Variants in ADGRE3 observed in about 807,000 individuals in gnomAD.
ADGRE3 encodes the protein adhesion G protein-coupled receptor E3, also known as EGF-like module receptor 3.
A neutral mutation model predicts 80.1 loss-of-function variants in ADGRE3; 88 were observed. The observed-to-expected ratio is 1.10, with a 90% CI of 0.93 to 1.31. The LOEUF is 1.31. ADGRE3 is among the 40% of genes most tolerant of loss of function. The probability of loss-of-function intolerance (pLI) is 0.00; values close to 1 mark genes in which losing one functional copy is unlikely to be tolerated. For missense variants in ADGRE3, 715 were observed against 776.5 expected, an observed-to-expected ratio of 0.92 and a Z score of 0.94; for synonymous variants, 281 against 294.8, an observed-to-expected ratio of 0.95 and a Z score of 0.48.
Position 14,633,224 on chromosome 19 carries a change from G to A in ADGRE3, c.1551+12C>T. On this transcript the variant is annotated intron_variant, in intron 12 of 15. Coordinates refer to ENST00000253673, the MANE Select transcript of ADGRE3 (RefSeq NM_032571.5). ...TCTTCCTAGTTTGGGAACATCGAAGGCACATACTCACAGAGAAAATGGCAC... is the reference window on the plus strand; with the variant it reads ...TCTTCCTAGTTTGGGAACATCGAAGACACATACTCACAGAGAAAATGGCAC... The A allele has an allele frequency of 6.2e-7, 1 of 1,608,564 alleles. No individual in the cohort carries two copies. Among genetic ancestry groups the A allele is most frequent in the Non-Finnish European group, 8.5e-7 (1 of 1,175,638 alleles).
the ADGRE3 span, among the ~76,000 whole-genome samples, chr19:14,605,601 C>T: frequency 0.16 from 24,417 of 152,022 alleles, 2,264 homozygotes; most frequent in African/African-American, 0.26. Context: ...CTAGTTAATC[C>T]CTCCCTGCCC....
chr19:14,624,972 TTTTGTTTG>T (rs909979573), intron 15 of ADGRE3, among the ~76,000 whole-genome samples: 2 of 151,412 alleles, frequency 1.3e-5, no homozygotes, highest in African/African-American at 4.9e-5. Flanking sequence ...TGTGTGCTGT[TTTTGTTTG>T]TTTGTTTGTT....
chr19:14,610,225 T>C, the ADGRE3 span: 8 of 1,547,534 alleles, frequency 5.2e-6, no homozygotes, highest in Admixed American at 1.6e-4. Flanking sequence ...GGGGTCCATA[T>C]CTGAGTGTCT....
chr19:14,658,056 C>A (rs975985140), intron 5 of ADGRE3, among the ~76,000 whole-genome samples: 36 of 152,030 alleles, frequency 2.4e-4, no homozygotes, highest in Non-Finnish European at 1.5e-4. Flanking sequence ...TGAGCCACCA[C>A]GCCAAGCCCG....
intron 7 of ADGRE3, 151 bp from the exon 8 acceptor site, chr19:14,647,516 A>G (rs1261092867): frequency 1.7e-6 from 1 of 589,496 alleles, no homozygotes; most frequent in African/African-American, 1.9e-5. Context: ...TCCCGGGTTC[A>G]AGTGATTCTC....
rs1568481487 is a variant in ADGRE3, at chr19:14,636,159, CTCCT to C, written c.1484+1942_1484+1945del. Reference sequence around the variant, plus strand: ...CTTTCTTTCTTTCTTTCTTCCTTTCCTCCTTTCCTTTCCTTTCCTTCCTCTTTCT... The same window carrying C: ...CTTTCTTTCTTTCTTTCTTCCTTTCCTTCCTTTCCTTTCCTTCCTCTTTCT... On this transcript the variant is annotated intron_variant, in intron 11 of 15. Coordinates refer to ENST00000253673, the MANE Select transcript of ADGRE3 (RefSeq NM_032571.5). 6.5e-4 allele frequency among the ~76,000 whole-genome samples: 17 copies of C among 26,082 alleles called. 1 individual carries two copies. Among genetic ancestry groups the C allele is most frequent in the East Asian group, 1.3e-3 (1 of 752 alleles). The allele number at this position is 26,082 out of a possible 152,430, so 17.1% of individuals were successfully genotyped here. A position where few individuals can be genotyped will look rare whatever the true frequency, so the allele number is the denominator to read the frequency against.
chr19:14,623,624 A>C (rs2146797434), intron 15 of ADGRE3, among the ~76,000 whole-genome samples: 1 of 152,292 alleles, frequency 6.6e-6, no homozygotes, highest in South Asian at 2.1e-4. Flanking sequence ...TATGCAGAGC[A>C]GCTGGGGCAG....
intron 1 of ADGRE3, among the ~76,000 whole-genome samples, chr19:14,671,843 G>A (rs2146916683): frequency 6.6e-6 from 1 of 152,050 alleles, no homozygotes; most frequent in East Asian, 1.9e-4. Flanking sequence ...TTGGAGTGCA[G>A]TGGTGCAATC....
chr19:14,652,363 G>A (rs1442500228), intron 6 of ADGRE3, among the ~76,000 whole-genome samples: 1 of 152,050 alleles, frequency 6.6e-6, no homozygotes, highest in Non-Finnish European at 1.5e-5. Flanking sequence ...GACTGGCTGT[G>A]AGATGGAAAT....
At chr19:14,623,300 A>T (rs1301735022) in intron 15 of ADGRE3, among the ~76,000 whole-genome samples, 4,713 of 14,448 alleles carry the variant, frequency 0.33, 1,535 homozygotes, top group African/African-American at 0.57. Flanking sequence ...AAAAAAAAAT[A>T]AAAAAAAAAA....
chr19:14,604,695 G>A, the ADGRE3 span, among the ~76,000 whole-genome samples: 1 of 151,872 alleles, frequency 6.6e-6, no homozygotes, highest in East Asian at 1.9e-4. Flanking sequence ...CCTGCGAGGC[G>A]GAGGGTGCAG....
At chr19:14,639,006 A>T (rs1233970794) in intron 10 of ADGRE3, among the ~76,000 whole-genome samples, 1 of 151,988 alleles carries the variant, frequency 6.6e-6, no homozygotes. Flanking sequence ...GGCTCAAGTG[A>T]TCCTCCCACC....
chr19:14,669,624 G>C (rs949490162), intron 1 of ADGRE3, among the ~76,000 whole-genome samples: 1 of 151,998 alleles, frequency 6.6e-6, no homozygotes, highest in Admixed American at 6.6e-5. Context: ...GAGTAGCTTG[G>C]ATTACAGGCA....
intron 2 of ADGRE3, among the ~76,000 whole-genome samples, chr19:14,666,585 C>G (rs1286131922): frequency 1.3e-5 from 2 of 152,092 alleles, no homozygotes; most frequent in Admixed American, 1.3e-4. Flanking sequence ...CCATGTTGGC[C>G]AAGCTGGTCT....
chr19:14,653,635 C>A (rs1230408000), intron 6 of ADGRE3, among the ~76,000 whole-genome samples: 1 of 150,178 alleles, frequency 6.7e-6, no homozygotes, highest in Admixed American at 6.6e-5. Context: ...TGCAGTGGTG[C>A]AATCTCAGCT....
At chr19:14,606,849 C>T in the ADGRE3 span, 1 of 358,930 alleles carries the variant, frequency 2.8e-6, no homozygotes, top group Non-Finnish European at 5.0e-6. Context: ...GACATTGATC[C>T]TGTTCTGCAT....
In ADGRE3 at chr19:14,661,961, A is replaced by C. The variant is rs567367351; in HGVS notation, c.355+2T>G. 65 of 1,613,910 alleles carry C rather than the reference A, an allele frequency of 4.0e-5. No individual in the cohort carries two copies. In the South Asian group the frequency reaches 6.6e-4, roughly 16 times the overall value. On this transcript the variant is annotated splice_donor_variant, in intron 4 of 15. Coordinates refer to ENST00000253673, the MANE Select transcript of ADGRE3 (RefSeq NM_032571.5). LOFTEE classifies it high-confidence loss of function. ...AAGGCAGGAGGACAAAAATGTTCTT[A>C]CCCTGACAGGTGTTCTCATTGGAAT...
rs149148345 is a variant in ADGRE3 at position 14,625,563 on chromosome 19, C to T, written c.1849G>A (p.Val617Ile). ...GTCTCAGACTCAGATTTTGATTTTA[C>T]GATCTCTCTAAACCACTTTTGATAT... The part of the protein sequence containing the change: ...KQYQKWFREI[V>I]KSKSESETYT... The change falls in exon 15 of 16, where the codon GTA becomes ATA. Residue 617 changes from valine (V) to isoleucine (I), a missense_variant. Coordinates refer to ENST00000253673, the MANE Select transcript of ADGRE3 (RefSeq NM_032571.5). The T allele has an allele frequency of 1.9e-5, 31 of 1,613,576 alleles. No homozygotes were observed. In the African/African-American group the frequency reaches 2.3e-4, roughly 12 times the overall value.
chr19:14,667,139 A>T (rs749762115), intron 2 of ADGRE3, among the ~76,000 whole-genome samples: 1 of 152,050 alleles, frequency 6.6e-6, no homozygotes, highest in Non-Finnish European at 1.5e-5. Context: ...TGGGAATGGG[A>T]CTTGCTGTTG....
Sources: gnomAD v4.1 joint callset for allele counts (sites outside exome capture counted in the v4.1 genomes callset) on GRCh38, gnomAD v4.1.1 for gene constraint, MANE v1.5 for transcripts, NCBI Gene and HGNC (gene_info 2026-07-23, HGNC 2026-07-21) for gene names.